Variants in ZNF215 observed in about 807,000 individuals in gnomAD.
The protein encoded by ZNF215 is BWSCR2-associated zinc finger protein 2.
Under a neutral mutation model 27.2 loss-of-function variants are expected in ZNF215, and 24 were observed. The ratio of observed to expected loss-of-function variants is 0.88; its 90% CI spans 0.64 to 1.24. The LOEUF (loss-of-function observed/expected upper bound fraction) is 1.24, where lower values mean the gene tolerates loss of function less well. Among genes scored for constraint, ZNF215 ranks in the 50% most tolerant of loss-of-function variants. The pLI is 0.00. For synonymous variants in ZNF215, 210 were observed against 204.0 expected (o/e 1.03, Z -0.25); for missense variants, 675 against 605.7 (o/e 1.11, Z -1.20).
chr11:6,943,162 T>C lies in ZNF215; in HGVS notation c.563T>C (p.Leu188Pro), dbSNP rs745918781. ...WGQLDSAVKN[L>P]YRNVMLENFR... Reference sequence around the variant, plus strand: ...CAACTGGACTCTGCTGTAAAGAACCTGTACAGGAATGTGATGCTGGAAAAC... The same window carrying C: ...CAACTGGACTCTGCTGTAAAGAACCCGTACAGGAATGTGATGCTGGAAAAC... Residue 188 changes from leucine (L) to proline (P), a missense_variant, in exon 5 of 7, where the codon CTG becomes CCG. Physicochemically the swap from Leu to Pro is moderately conservative, Grantham distance 98. Coordinates refer to ENST00000278319, the MANE Select transcript of ZNF215 (RefSeq NM_013250.4). 3.7e-6 allele frequency: 6 copies of C among 1,614,034 alleles called. 1 individual carries two copies. The highest frequency in any genetic ancestry group is 3.3e-5 in the South Asian group (3 of 91,024).
chr11:6,926,628 C>T lies in ZNF215; in HGVS notation c.-383C>T, dbSNP rs550536584. 1 of 152,360 alleles carries T rather than the reference C, an allele frequency of 6.6e-6. No individual in the cohort carries two copies. The highest frequency in any genetic ancestry group is 2.1e-4 in the South Asian group (1 of 4,824). The allele number at this position is 152,360 out of a possible 1,614,324, so 9.4% of individuals were successfully genotyped here. A position where few individuals can be genotyped will look rare whatever the true frequency, so the allele number is the denominator to read the frequency against. On this transcript the variant is annotated 5_prime_UTR_variant, in exon 1 of 7. Transcript: ENST00000278319. ...CCTAGTTGCAGCGTGATTACCAACG[C>T]CAGCTCCCTTCACTGTCCAAGACAG...
chr11:6,955,299 A>G (rs1037896497), intron 6 of ZNF215, among the ~76,000 whole-genome samples: 8 of 152,220 alleles, frequency 5.3e-5, no homozygotes, highest in African/African-American at 1.9e-4. Context: ...TTTTATAGAA[A>G]GGAATATTTA....
intron 3 of ZNF215, among the ~76,000 whole-genome samples, chr11:6,935,820 C>G (rs901897834): frequency 6.6e-6 from 1 of 152,064 alleles, no homozygotes; most frequent in Non-Finnish European, 1.5e-5. Context: ...AAACATGTTT[C>G]AGTACATTTA....
intron 3 of ZNF215, among the ~76,000 whole-genome samples, chr11:6,936,030 T>C (rs531278713): frequency 6.6e-6 from 1 of 152,094 alleles, no homozygotes; most frequent in South Asian, 2.1e-4. Flanking sequence ...ACTTATGACA[T>C]ACAGTGAAGG....
At chr11:6,930,523 C>T (rs1204037904) in intron 2 of ZNF215, among the ~76,000 whole-genome samples, 2 of 152,136 alleles carry the variant, frequency 1.3e-5, no homozygotes, top group African/African-American at 4.8e-5. Context: ...CACTCATCTG[C>T]CATTAAACTG....
At chr11:6,970,733 AC>A (rs1850702397) in intron 5 of ZNF215, among the ~76,000 whole-genome samples, 1 of 152,184 alleles carries the variant, frequency 6.6e-6, no homozygotes, top group Non-Finnish European at 1.5e-5. Flanking sequence ...AAAATAACTT[AC>A]CCTCTCTATC....
At chr11:6,967,742 G>C (rs908570718) in intron 5 of ZNF215, among the ~76,000 whole-genome samples, 1 of 152,170 alleles carries the variant, frequency 6.6e-6, no homozygotes, top group African/African-American at 2.4e-5. Context: ...TAGGTTGCCT[G>C]TTCACTCTGA....
chr11:6,965,003 T>C (rs1162565399), intron 5 of ZNF215, among the ~76,000 whole-genome samples: 2 of 152,122 alleles, frequency 1.3e-5, no homozygotes, highest in African/African-American at 4.8e-5. Context: ...GAAATAATAC[T>C]ACCAACAAGC....
chr11:6,931,349 C>T (rs139150716), intron 2 of ZNF215, among the ~76,000 whole-genome samples: 112 of 152,286 alleles, frequency 7.4e-4, no homozygotes, highest in African/African-American at 2.6e-3. Context: ...TTATGGGTCT[C>T]ATCTCCCTGT....
Position 6,957,140 on chromosome 11 carries a change from T to C in ZNF215, c.*609T>C. 3 of 985,482 alleles carry C rather than the reference T, an allele frequency of 3.0e-6. No homozygotes were observed. The highest frequency in any genetic ancestry group is 3.6e-6 in the Non-Finnish European group (3 of 829,966). The allele number at this position is 985,482 out of a possible 1,614,324, so 61.0% of individuals were successfully genotyped here. A position where few individuals can be genotyped will look rare whatever the true frequency, so the allele number is the denominator to read the frequency against. ...CAATGGGAGAAGTATGTATTGCTGTTAATCTATATGTATTCTTAAAATCTG... is the reference window on the plus strand; with the variant it reads ...CAATGGGAGAAGTATGTATTGCTGTCAATCTATATGTATTCTTAAAATCTG... On this transcript the variant is annotated 3_prime_UTR_variant, in exon 7 of 7. Transcript: ENST00000278319.
chr11:6,949,863 C>T (rs990386903), intron 6 of ZNF215, among the ~76,000 whole-genome samples: 7 of 151,920 alleles, frequency 4.6e-5, no homozygotes, highest in Admixed American at 1.3e-4. Flanking sequence ...TTTATGGTTT[C>T]AGGTCTAACG....
intron 6 of ZNF215, among the ~76,000 whole-genome samples, chr11:6,944,992 A>G (rs554685478): frequency 1.3e-5 from 2 of 152,288 alleles, no homozygotes; most frequent in African/African-American, 2.4e-5. Context: ...GGCATGTCTG[A>G]TAACTTCCAT....
At chr11:6,961,889 C>T (rs1400520562), downstream of ZNF215, among the ~76,000 whole-genome samples, 1 of 152,082 alleles carries the variant, frequency 6.6e-6, no homozygotes, top group East Asian at 1.9e-4. Flanking sequence ...ATCTTGATGT[C>T]CTCAAATGCC....
intron 1 of ZNF215, among the ~76,000 whole-genome samples, chr11:6,927,062 T>A (rs1449485646): frequency 2.0e-5 from 3 of 152,068 alleles, no homozygotes; most frequent in African/African-American, 7.2e-5. Flanking sequence ...ATAGGGGCAG[T>A]CTCCAGACGC....
At chr11:6,960,607 C>T (rs1002425533), downstream of ZNF215, among the ~76,000 whole-genome samples, 5 of 152,140 alleles carry the variant, frequency 3.3e-5, no homozygotes, top group Non-Finnish European at 7.4e-5. Context: ...ATATCATAAG[C>T]ACCTTACTAG....
intron 5 of ZNF215, among the ~76,000 whole-genome samples, chr11:6,975,027 G>A (rs1307892268): frequency 1.3e-5 from 2 of 152,208 alleles, no homozygotes; most frequent in East Asian, 1.9e-4. Flanking sequence ...TTGGCTGTGG[G>A]TTTGTCATAA....
intron 1 of ZNF215, 26 bp from the exon 2 acceptor site, chr11:6,927,636 A>G (rs1849102993): frequency 6.6e-6 from 1 of 152,184 alleles, no homozygotes; most frequent in Non-Finnish European, 1.5e-5. Flanking sequence ...TTTAACTGTT[A>G]TATTTCCTGG....
At chr11:6,991,134 C>G (rs547517397), downstream of ZNF215, among the ~76,000 whole-genome samples, 1 of 152,340 alleles carries the variant, frequency 6.6e-6, no homozygotes, top group African/African-American at 2.4e-5. Flanking sequence ...TAATCCTGGA[C>G]AAGCTGCCTG....
In ZNF215 at chr11:6,957,246, A is replaced by T. The variant is rs1850396698; in HGVS notation, c.*715A>T. On this transcript the variant is annotated 3_prime_UTR_variant, in exon 7 of 7. Coordinates refer to ENST00000278319, the MANE Select transcript of ZNF215 (RefSeq NM_013250.4). Reference sequence around the variant, plus strand: ...TTGTTATGATGTTGATGAGAAAAATATCGATTCCCAGCCAGGGACACTGTG... The same window carrying T: ...TTGTTATGATGTTGATGAGAAAAATTTCGATTCCCAGCCAGGGACACTGTG... 2.1e-6 allele frequency: 2 copies of T among 955,604 alleles called. No individual in the cohort carries two copies. The highest frequency in any genetic ancestry group is 6.2e-5 in the Admixed American group (1 of 16,226). 59.2% of individuals were successfully genotyped at this position (955,604 alleles called of 1,614,324 possible).
Sources: allele counts gnomAD v4.1 joint callset (sites outside exome capture counted in the v4.1 genomes callset), GRCh38; gene constraint gnomAD v4.1.1; transcripts MANE v1.5; gene names NCBI Gene and HGNC (gene_info 2026-07-23, HGNC 2026-07-21).